Variants in PIP5K1B observed in about 807,000 individuals in gnomAD.
PIP5K1B encodes phosphatidylinositol-4-phosphate 5-kinase type 1 beta, also known as phosphatidylinositol 4-phosphate 5-kinase type-1 beta.
A neutral mutation model predicts 67.0 loss-of-function variants in PIP5K1B; 42 were observed. The ratio of observed to expected loss-of-function variants is 0.63; its 90% confidence interval spans 0.49 to 0.81. PIP5K1B has a LOEUF of 0.81. Ranked by LOEUF, PIP5K1B falls within the 30% of genes least tolerant of loss-of-function variation. PIP5K1B has a pLI of 0.00. For missense variants in PIP5K1B, 459 were observed against 646.3 expected, an observed-to-expected ratio of 0.71 and a Z score of 3.14; for synonymous variants, 214 against 231.4, an observed-to-expected ratio of 0.92 and a Z score of 0.68.
intron 2 of PIP5K1B, among the ~76,000 whole-genome samples, chr9:68,812,105 T>G (rs903323950): frequency 2.0e-5 from 3 of 152,208 alleles, no homozygotes; most frequent in African/African-American, 7.2e-5. Flanking sequence ...AGGGCGTCAC[T>G]TTTACAAACC....
At position 68,876,789 on chromosome 9, in the gene PIP5K1B, T is replaced by C. The variant is rs1224844135; in HGVS notation, c.313T>C (p.Tyr105His). 1 of 1,438,682 alleles carries C rather than the reference T, an allele frequency of 7.0e-7. No individual in the cohort carries two copies. Among genetic ancestry groups the C allele is most frequent in the South Asian group, 1.1e-5 (1 of 87,588 alleles). The allele number at this position is 1,438,682 out of a possible 1,614,324, so 89.1% of individuals were successfully genotyped here. ...RELFGIKPDD[Y>H]LYSICSEPLI... is the part of the protein sequence containing the mutation. Reference sequence around the variant, plus strand: ...ACTTTTTGGTATCAAGCCTGATGATTACTTGGTAAGAACCTGTCATTTTTC... The same window carrying C: ...ACTTTTTGGTATCAAGCCTGATGATCACTTGGTAAGAACCTGTCATTTTTC... Residue 105 changes from tyrosine to histidine, a missense_variant, in exon 6 of 16, where the codon TAC becomes CAC. Tyr to His is a moderately conservative substitution (Grantham distance 83). Transcript: ENST00000265382.
intron 14 of PIP5K1B, among the ~76,000 whole-genome samples, chr9:68,951,657 G>A (rs1476376280): frequency 6.6e-6 from 1 of 152,078 alleles, no homozygotes; most frequent in African/African-American, 2.4e-5. Flanking sequence ...GAGATGAGAG[G>A]GAACTTTGGC....
chr9:68,714,146 C>T (rs541289483), intron 1 of PIP5K1B, among the ~76,000 whole-genome samples: 1 of 152,324 alleles, frequency 6.6e-6, no homozygotes, highest in African/African-American at 2.4e-5. Flanking sequence ...TTTCTCTGAA[C>T]TCTAGTTTGC....
At chr9:68,974,484 G>A (rs1336529189) in intron 14 of PIP5K1B, among the ~76,000 whole-genome samples, 1 of 152,182 alleles carries the variant, frequency 6.6e-6, no homozygotes, top group African/African-American at 2.4e-5. Flanking sequence ...AAGAACCACT[G>A]CCAGAGATTA....
At chr9:69,007,692 CT>C (rs767625815) in intron 15 of PIP5K1B, among the ~76,000 whole-genome samples, 7 of 151,744 alleles carry the variant, frequency 4.6e-5, no homozygotes, top group South Asian at 2.1e-4. Flanking sequence ...CCCATCTCTA[CT>C]AAAAATACAA....
At chr9:68,956,857 G>T (rs887986623) in intron 14 of PIP5K1B, among the ~76,000 whole-genome samples, 2 of 152,134 alleles carry the variant, frequency 1.3e-5, no homozygotes, top group Non-Finnish European at 2.9e-5. Context: ...AGGTAGGGAG[G>T]AGTCCTGGGG....
Position 68,935,012 on chromosome 9 carries a change from G to GA in PIP5K1B, c.1326dup (p.Gly443ArgfsTer5), listed in dbSNP as rs773678255. ...GGATGAGAAGCGGGATTTGCTGACTGAAGGACAAAGTTTTAGCAGCCTTGA... is the reference window on the plus strand; with the variant it reads ...GGATGAGAAGCGGGATTTGCTGACTGAAAGGACAAAGTTTTAGCAGCCTTGA... On this transcript the variant is annotated frameshift_variant, in exon 13 of 16. Coordinates refer to ENST00000265382, the MANE Select transcript of PIP5K1B (RefSeq NM_003558.4). LOFTEE classifies it high-confidence loss of function. 31 of 1,613,528 alleles carry GA rather than the reference G, an allele frequency of 1.9e-5. No homozygotes were observed. The highest frequency in any genetic ancestry group is 5.9e-6 in the Non-Finnish European group (7 of 1,179,708).
chr9:68,996,851 C>T (rs1273806326), intron 15 of PIP5K1B, among the ~76,000 whole-genome samples: 1 of 152,156 alleles, frequency 6.6e-6, no homozygotes, highest in Non-Finnish European at 1.5e-5. Flanking sequence ...AAGATGGCTG[C>T]CAGAAAACAG....
At chr9:68,792,726 G>T (rs181878932) in intron 2 of PIP5K1B, among the ~76,000 whole-genome samples, 8 of 152,204 alleles carry the variant, frequency 5.3e-5, no homozygotes, top group Non-Finnish European at 1.2e-4. Context: ...TGATCCGCCC[G>T]CCTCGGCCTC....
intron 1 of PIP5K1B, among the ~76,000 whole-genome samples, chr9:68,713,138 A>G (rs1459247341): frequency 1.3e-5 from 2 of 152,182 alleles, no homozygotes. Context: ...GTGGCTCACA[A>G]CTATAATCCC....
In PIP5K1B at chr9:68,933,700, G is replaced by A. The variant is rs576260218; in HGVS notation, c.1202-1190G>A. Among the ~76,000 whole-genome samples the A allele has an allele frequency of 1.4e-4, 21 of 152,294 alleles. No individual in the cohort carries two copies. The South Asian group carries it at 4.4e-3, about 32-fold the overall frequency. On this transcript the variant is annotated intron_variant, in intron 12 of 15. Coordinates refer to ENST00000265382, the MANE Select transcript of PIP5K1B (RefSeq NM_003558.4). ...ATGGTTTGAGATATGCAATGTGAAT[G>A]TTGGATTCCAGACTCTAAAGCCCTC...
intron 1 of PIP5K1B, among the ~76,000 whole-genome samples, chr9:68,738,431 T>C (rs1388348396): frequency 1.3e-5 from 2 of 152,206 alleles, no homozygotes. Context: ...ATGGTTGCTA[T>C]GAGAGCATGC....
At chr9:68,902,423 C>T (rs1825410455) in intron 8 of PIP5K1B, among the ~76,000 whole-genome samples, 1 of 152,134 alleles carries the variant, frequency 6.6e-6, no homozygotes, top group Non-Finnish European at 1.5e-5. Flanking sequence ...GATATTCATC[C>T]AATTATTGCC....
At chr9:68,985,320 C>T (rs1206015287) in intron 14 of PIP5K1B, among the ~76,000 whole-genome samples, 1 of 151,158 alleles carries the variant, frequency 6.6e-6, no homozygotes, top group African/African-American at 2.4e-5. Flanking sequence ...GGTGCGATCT[C>T]GGCTCACTGC....
intron 5 of PIP5K1B, among the ~76,000 whole-genome samples, chr9:68,868,858 AT>A (rs1823485084): frequency 6.6e-6 from 1 of 152,220 alleles, no homozygotes; most frequent in African/African-American, 2.4e-5. Context: ...TGATGTAAAG[AT>A]CATTACAGAA....
chr9:68,974,927 A>G (rs1829561283), intron 14 of PIP5K1B, among the ~76,000 whole-genome samples: 1 of 152,268 alleles, frequency 6.6e-6, no homozygotes, highest in African/African-American at 2.4e-5. Context: ...TTTTTAGCAC[A>G]TTGACATGGT....
chr9:68,918,936 A>G lies in PIP5K1B; in HGVS notation c.984-543A>G, dbSNP rs530460156. 2.6e-5 allele frequency among the ~76,000 whole-genome samples: 4 copies of G among 152,316 alleles called. No homozygotes were observed. The East Asian group carries it at 5.8e-4, about 22-fold the overall frequency. On this transcript the variant is annotated intron_variant, in intron 9 of 15. Transcript: ENST00000265382. ...AAAAATCAGGTTATAAAACATGATAAATAATACCTTTTCTTGACTAATAAA... is the reference window on the plus strand; with the variant it reads ...AAAAATCAGGTTATAAAACATGATAGATAATACCTTTTCTTGACTAATAAA...
intron 12 of PIP5K1B, among the ~76,000 whole-genome samples, chr9:68,932,300 T>C (rs1827044022): frequency 1.3e-5 from 2 of 152,148 alleles, no homozygotes; most frequent in South Asian, 4.1e-4. Context: ...AACCTTTTGG[T>C]CTCAGGGCCA....
chr9:68,946,433 C>A (rs1029756011), intron 14 of PIP5K1B, among the ~76,000 whole-genome samples: 2 of 151,884 alleles, frequency 1.3e-5, no homozygotes, highest in African/African-American at 4.8e-5. Flanking sequence ...GTCTCTGTCA[C>A]CCAGGCTGGA....
Sources: allele counts gnomAD v4.1 joint callset (sites outside exome capture counted in the v4.1 genomes callset), GRCh38; gene constraint gnomAD v4.1.1; transcripts MANE v1.5; gene names NCBI Gene and HGNC (gene_info 2026-07-23, HGNC 2026-07-21).